MDC1: variants seen among roughly 807,000 people sequenced by gnomAD.
MDC1 encodes the protein mediator of DNA damage checkpoint protein 1.
Under a neutral mutation model 142.5 loss-of-function variants are expected in MDC1, and 81 were observed. The ratio of observed to expected loss-of-function variants is 0.57; its 90% CI spans 0.47 to 0.68. The LOEUF is 0.68. MDC1 is among the 30% of genes least tolerant of loss of function. MDC1 has a pLI of 0.00. For missense variants in MDC1, 2,119 were observed against 2,547.9 expected (o/e 0.83, Z 3.62); for synonymous variants, 797 against 968.4 (o/e 0.82, Z 3.29).
intron 8 of MDC1, 21 bp downstream of exon 8, chr6:30,707,545 T>G: frequency 6.2e-7 from 1 of 1,612,754 alleles, no homozygotes; most frequent in East Asian, 2.2e-5. Context: ...TCACCTTGGG[T>G]TCCCCTCTGC....
chr6:30,711,028 C>T (rs1014767440), intron 7 of MDC1, among the ~76,000 whole-genome samples: 3 of 152,212 alleles, frequency 2.0e-5, no homozygotes, highest in Non-Finnish European at 4.4e-5. Flanking sequence ...CTCGCATACA[C>T]AGAGGGCTCA....
In MDC1 at chr6:30,702,771, C is replaced by T. The variant is rs560973662; in HGVS notation, c.5972G>A (p.Arg1991Gln). The T allele has an allele frequency of 6.8e-6, 11 of 1,613,126 alleles. No homozygotes were observed. Among genetic ancestry groups the T allele is most frequent in the African/African-American group, 2.7e-5 (2 of 75,044 alleles). ...FSLQDALSRA[R>Q]ERRLLEGYEI... ...TCTCACCTCTAGCAGCCTTCGCTCC[C>T]GAGCCCTGCTCAGTGCGTCTTGAAG... Residue 1991 changes from arginine to glutamine, a missense_variant, in exon 13 of 15, where the codon CGG becomes CAG. Transcript: ENST00000376406.
chr6:30,713,125 T>C lies in MDC1; in HGVS notation c.817A>G (p.Lys273Glu). 2 of 1,613,046 alleles carry C rather than the reference T, an allele frequency of 1.2e-6. No individual in the cohort carries two copies. The highest frequency in any genetic ancestry group is 1.7e-6 in the Non-Finnish European group (2 of 1,179,934). Reference sequence around the variant, plus strand: ...CCATTCCCTGCACCCCTCTTGACTTTTGTATCATTGTCCCTCTCCTTCACT... The same window carrying C: ...CCATTCCCTGCACCCCTCTTGACTTCTGTATCATTGTCCCTCTCCTTCACT... ...PLVKERDNDT[K>E]VKRGAGNGVV... The change falls in exon 5 of 15, where the codon AAA becomes GAA. Residue 273 changes from lysine to glutamate, a missense_variant. Lys to Glu is a moderately conservative substitution (Grantham distance 56). Coordinates refer to ENST00000376406, the MANE Select transcript of MDC1 (RefSeq NM_014641.3). The surrounding 1 kb of genome is among the most constrained non-coding windows in gnomAD (Gnocchi z 4.9).
chr6:30,712,532 G>C lies in MDC1; in HGVS notation c.1410C>G (p.Val470=). 1.2e-6 allele frequency: 2 copies of C among 1,613,004 alleles called. No homozygotes were observed. Among genetic ancestry groups the C allele is most frequent in the South Asian group, 2.2e-5 (2 of 91,068 alleles). Residue 470 remains valine, a synonymous_variant, in exon 5 of 15, where the codon GTC becomes GTG. Coordinates refer to ENST00000376406, the MANE Select transcript of MDC1 (RefSeq NM_014641.3). The surrounding 1 kb of genome is among the most constrained non-coding windows in gnomAD (Gnocchi z 4.7). ...CTCTAATCTTTGTGTGATCCTTGAGGACAGCTTCTCTATTTTCCACTGGGA... is the reference window on the plus strand; with the variant it reads ...CTCTAATCTTTGTGTGATCCTTGAGCACAGCTTCTCTATTTTCCACTGGGA... ...EELPVENREA[V]LKDHTKIRAL... is the part of the protein sequence containing the mutation.
Position 30,700,262 on chromosome 6 carries a change from AT to A in MDC1, c.*202del, listed in dbSNP as rs1222980637. 1.8e-5 allele frequency: 8 copies of A among 452,292 alleles called. No individual in the cohort carries two copies. The highest frequency in any genetic ancestry group is 1.4e-4 in the African/African-American group (7 of 50,088). 28.0% of individuals were successfully genotyped at this position (452,292 alleles called of 1,614,324 possible). ...TAAATACAAATAAAATAAAATGGCC[AT>A]TAAAAAAACAAACAAACAAACAAAA... On this transcript the variant is annotated 3_prime_UTR_variant, in exon 15 of 15. Coordinates refer to ENST00000376406, the MANE Select transcript of MDC1 (RefSeq NM_014641.3).
chr6:30,706,438 G>A (rs1305202800), intron 9 of MDC1, among the ~76,000 whole-genome samples: 5 of 151,748 alleles, frequency 3.3e-5, no homozygotes, highest in Non-Finnish European at 5.9e-5. Flanking sequence ...TGGCTAACAC[G>A]GTGAAACCCC....
intron 7 of MDC1, among the ~76,000 whole-genome samples, chr6:30,708,855 C>CAAAAAAA (rs59939040): frequency 2.9e-4 from 16 of 55,212 alleles, no homozygotes; most frequent in Non-Finnish European, 6.5e-4. Context: ...GACTCTGTCT[C>CAAAAAAA]AAAAAAAAAA....
chr6:30,701,218 T>C (rs1405602188), intron 14 of MDC1, among the ~76,000 whole-genome samples: 1 of 151,438 alleles, frequency 6.6e-6, no homozygotes, highest in Admixed American at 6.6e-5. Flanking sequence ...CTGGCCAACA[T>C]GGTGAAACCC....
chr6:30,700,318 T>C lies in MDC1; in HGVS notation c.*147A>G. The C allele has an allele frequency of 3.6e-6, 3 of 822,420 alleles. No homozygotes were observed. The Admixed American group carries it at 8.6e-5, about 24-fold the overall frequency. 50.9% of individuals were successfully genotyped at this position (822,420 alleles called of 1,614,324 possible). A position where few individuals can be genotyped will look rare whatever the true frequency, so the allele number is the denominator to read the frequency against. On this transcript the variant is annotated 3_prime_UTR_variant, in exon 15 of 15. Transcript: ENST00000376406. The stretch of plus-strand genomic sequence containing the variant: ...ACCTGTGGCTTCCAAATCCCTTATC[T>C]TTTCATTTATTCATAAAGATTTCTG...
rs1774445843 is a variant in MDC1, at chr6:30,709,245, A to T, written c.2222-888T>A. On this transcript the variant is annotated intron_variant, in intron 7 of 14. Transcript: ENST00000376406. The surrounding 1 kb of genome is among the most constrained non-coding windows in gnomAD (Gnocchi z 4.2). ...AGATGGGGTTTGGTCTTGAACTCTTAGACTCAAGTGATCCACCCACATTGG... is the reference window on the plus strand; with the variant it reads ...AGATGGGGTTTGGTCTTGAACTCTTTGACTCAAGTGATCCACCCACATTGG... Among the ~76,000 whole-genome samples the T allele has an allele frequency of 6.6e-6, 1 of 152,206 alleles. No individual in the cohort carries two copies. The highest frequency in any genetic ancestry group is 6.5e-5 in the Admixed American group (1 of 15,270).
At position 30,712,346 on chromosome 6, in the gene MDC1, C is replaced by A; in HGVS notation, c.1596G>T (p.Gly532=). The change falls in exon 5 of 15, where the codon GGG becomes GGT. Residue 532 remains glycine (G), a synonymous_variant. Transcript: ENST00000376406. The surrounding 1 kb of genome is among the most constrained non-coding windows in gnomAD (Gnocchi z 4.7). The part of the protein sequence containing the change: ...NTQVEKEVPP[G]SAIIHIKKHQ... ...GCTTCTTTATATGTATAATGGCTGA[C>A]CCTGGCGGGACTTCCTTCTCCACTT... 6.2e-7 allele frequency: 1 copy of A among 1,613,072 alleles called. No individual in the cohort carries two copies. Among genetic ancestry groups the A allele is most frequent in the East Asian group, 2.2e-5 (1 of 44,888 alleles).
chr6:30,700,457 T>G lies in MDC1; in HGVS notation c.*8A>C. 6.2e-7 allele frequency: 1 copy of G among 1,609,856 alleles called. No individual in the cohort carries two copies. The highest frequency in any genetic ancestry group is 8.5e-7 in the Non-Finnish European group (1 of 1,177,464). On this transcript the variant is annotated 3_prime_UTR_variant, in exon 15 of 15. Transcript: ENST00000376406. The stretch of plus-strand genomic sequence containing the variant: ...CGTGGTCTGGGAGGGAAAAGGGTAG[T>G]GGAGTTCTCAGGTGGATGACATCTC...
chr6:30,715,079 G>A lies in MDC1; in HGVS notation c.97C>T (p.Arg33Trp), dbSNP rs113702536. 6.9e-5 allele frequency: 112 copies of A among 1,614,100 alleles called. 2 individuals carry two copies. The highest frequency in any genetic ancestry group is 5.1e-4 in the African/African-American group (38 of 75,010). ...SLRCNVEPVG[R>W]LHIFSGAHGP... ...TGGGCACCACTAAAGATATGTAGCC[G>A]CCCTACTGGCTCCACGTTACACCTC... Residue 33 changes from arginine (R) to tryptophan (W), a missense_variant, in exon 2 of 15, where the codon CGG becomes TGG. Arg to Trp is a moderately radical substitution (Grantham distance 101). Coordinates refer to ENST00000376406, the MANE Select transcript of MDC1 (RefSeq NM_014641.3). The surrounding 1 kb of genome is among the most constrained non-coding windows in gnomAD (Gnocchi z 4.1).
At position 30,699,822 on chromosome 6, in the gene MDC1, ATATT is replaced by A. The variant is rs1241654338; in HGVS notation, c.*639_*642del. The A allele has an allele frequency of 1.4e-5, 3 of 214,914 alleles. No individual in the cohort carries two copies. The highest frequency in any genetic ancestry group is 6.8e-5 in the African/African-American group (3 of 44,242). The allele number at this position is 214,914 out of a possible 1,614,324, so 13.3% of individuals were successfully genotyped here. A position where few individuals can be genotyped will look rare whatever the true frequency, so the allele number is the denominator to read the frequency against. On this transcript the variant is annotated 3_prime_UTR_variant, in exon 15 of 15. Transcript: ENST00000376406. ...CACTACACCATAAGGCACAGAGTGA[ATATT>A]TATTTATCACAGAGGTCAAGCCGAA...
Position 30,713,391 on chromosome 6 carries a change from T to G in MDC1, c.588-37A>C. Reference sequence around the variant, plus strand: ...AGAAAAGAGAGTCTATAGAATTTATTTCCCTGGAAGGGATACCCCAACTCA... The same window carrying G: ...AGAAAAGAGAGTCTATAGAATTTATGTCCCTGGAAGGGATACCCCAACTCA... On this transcript the variant is annotated intron_variant, in intron 4 of 14. Transcript: ENST00000376406. The surrounding 1 kb of genome is among the most constrained non-coding windows in gnomAD (Gnocchi z 4.9). The G allele has an allele frequency of 2.6e-6, 4 of 1,518,660 alleles. No homozygotes were observed. Among genetic ancestry groups the G allele is most frequent in the Non-Finnish European group, 3.5e-6 (4 of 1,140,858 alleles). 94.1% of individuals were successfully genotyped at this position (1,518,660 alleles called of 1,614,324 possible).
chr6:30,700,158 T>A lies in MDC1; in HGVS notation c.*307A>T. 1 of 284,042 alleles carries A rather than the reference T, an allele frequency of 3.5e-6. No individual in the cohort carries two copies. Among genetic ancestry groups the A allele is most frequent in the South Asian group, 1.4e-4 (1 of 7,058 alleles). 17.6% of individuals were successfully genotyped at this position (284,042 alleles called of 1,614,324 possible). A position where few individuals can be genotyped will look rare whatever the true frequency, so the allele number is the denominator to read the frequency against. ...CACTTATGACATCTGAGCATGAAAC[T>A]AGCTAATTTTAAAATGGCCATTTAA... On this transcript the variant is annotated 3_prime_UTR_variant, in exon 15 of 15. Transcript: ENST00000376406.
chr6:30,711,747 GAC>G, intron 5 of MDC1, 21 bp from the exon 6 acceptor site: 2 of 1,606,430 alleles, frequency 1.2e-6, no homozygotes, highest in South Asian at 1.1e-5. Flanking sequence ...AGGAATATAA[GAC>G]AGTTTAAAAC....
Position 30,713,596 on chromosome 6 carries a change from C to G in MDC1, c.587+52G>C. ...TCTTTTAGAGATTGATCCTCCAGCCCCTGGTTCTTCCTCATTTTGAAGACT... is the reference window on the plus strand; with the variant it reads ...TCTTTTAGAGATTGATCCTCCAGCCGCTGGTTCTTCCTCATTTTGAAGACT... On this transcript the variant is annotated intron_variant, in intron 4 of 14. Transcript: ENST00000376406. This position sits in a 1 kb window ranked among gnomAD's most constrained non-coding sequence, Gnocchi z 4.9. The G allele has an allele frequency of 6.4e-7, 1 of 1,554,128 alleles. No individual in the cohort carries two copies. Among genetic ancestry groups the G allele is most frequent in the Middle Eastern group, 1.7e-4 (1 of 5,882 alleles).
Position 30,703,635 on chromosome 6 carries a change from G to A in MDC1, c.5548C>T (p.Pro1850Ser), listed in dbSNP as rs750168520. ...KEEEEDTAEK[P>S]GKEEDVVTPK... ...CCTCTCCTCACCTCTTCCTTCCCTGGCTTCTCTGCAGTATCTTCTTCCTCT... is the reference window on the plus strand; with the variant it reads ...CCTCTCCTCACCTCTTCCTTCCCTGACTTCTCTGCAGTATCTTCTTCCTCT... Residue 1850 changes from proline to serine, a missense_variant, in exon 10 of 15, where the codon CCA becomes TCA. Physicochemically the swap from Pro to Ser is moderately conservative, Grantham distance 74. Transcript: ENST00000376406. The surrounding 1 kb of genome is among the most constrained non-coding windows in gnomAD (Gnocchi z 4.4). 6.3e-7 allele frequency: 1 copy of A among 1,588,492 alleles called. No individual in the cohort carries two copies. Among genetic ancestry groups the A allele is most frequent in the Non-Finnish European group, 8.6e-7 (1 of 1,168,952 alleles).
Sources: allele counts gnomAD v4.1 joint callset (sites outside exome capture counted in the v4.1 genomes callset), GRCh38; gene constraint gnomAD v4.1.1; non-coding constraint Gnocchi (gnomAD v3.1); transcripts MANE v1.5; gene names NCBI Gene and HGNC (gene_info 2026-07-23, HGNC 2026-07-21).